The following RBM33 variants were observed in gnomAD, a reference collection of about 807,000 sequenced individuals.
The protein encoded by RBM33 is RNA binding motif protein 33, also known as RNA-binding protein 33.
RBM33 carries 28 observed loss-of-function variants against 132.6 expected under a neutral mutation model. That is an observed-to-expected ratio of 0.21 (90% CI 0.16 to 0.29). The LOEUF (loss-of-function observed/expected upper bound fraction) is 0.29. Ranked by LOEUF, RBM33 falls within the 10% of genes least tolerant of loss-of-function variation. RBM33 has a pLI of 1.00. For synonymous variants in RBM33, 634 were observed against 593.0 expected (o/e 1.07, Z -1.01); for missense variants, 1,291 against 1,518.5 (o/e 0.85, Z 2.49).
In RBM33 at chr7:155,699,790, GGTTT is replaced by G. The variant is rs1470568232; in HGVS notation, c.568-978_568-975del. Reference sequence around the variant, plus strand: ...AAGAATATAAAATGATTGTGTCATTGGTTTGTTTTCATTTTTTTCTTGTGCATTT... The same window carrying G: ...AAGAATATAAAATGATTGTGTCATTGGTTTTCATTTTTTTCTTGTGCATTT... On this transcript the variant is annotated intron_variant, in intron 5 of 17. Coordinates refer to ENST00000401878, the MANE Select transcript of RBM33 (RefSeq NM_053043.3). Among the ~76,000 whole-genome samples, 7 of 152,150 alleles carry G rather than the reference GGTTT, an allele frequency of 4.6e-5. No individual in the cohort carries two copies. In the East Asian group the frequency reaches 9.7e-4, roughly 21 times the overall value.
At chr7:155,770,594 CTTT>C (rs34251346) in intron 16 of RBM33, among the ~76,000 whole-genome samples, 1,896 of 136,242 alleles carry the variant, frequency 0.014, 19 homozygotes, top group Middle Eastern at 0.028. Context: ...CAGCTGATAC[CTTT>C]TTTTTTTTTT....
intron 12 of RBM33, among the ~76,000 whole-genome samples, chr7:155,740,246 A>G (rs1801286212): frequency 6.6e-6 from 1 of 152,220 alleles, no homozygotes; most frequent in Non-Finnish European, 1.5e-5. Flanking sequence ...TTGTGTCTCA[A>G]AGACTGTGTT....
chr7:155,744,332 C>T (rs573769446), intron 13 of RBM33, among the ~76,000 whole-genome samples: 11 of 151,974 alleles, frequency 7.2e-5, no homozygotes, highest in East Asian at 5.8e-4. Context: ...TTTTTTGTAT[C>T]GACTTGAAGA....
chr7:155,707,356 C>G (rs1213149676), intron 7 of RBM33: 2 of 555,500 alleles, frequency 3.6e-6, no homozygotes, highest in African/African-American at 3.8e-5. Flanking sequence ...GCTGTTGGAC[C>G]TTGCTACCTA....
intron 1 of RBM33, among the ~76,000 whole-genome samples, chr7:155,653,603 T>C (rs1585397229): frequency 6.6e-6 from 1 of 152,166 alleles, no homozygotes. Flanking sequence ...AGATTGGTGG[T>C]AATCACCATT....
At chr7:155,649,155 C>T (rs945370298) in intron 1 of RBM33, among the ~76,000 whole-genome samples, 2 of 152,116 alleles carry the variant, frequency 1.3e-5, no homozygotes, top group Admixed American at 1.3e-4. Context: ...ATGATGTCCC[C>T]GTTTTTTAAG....
chr7:155,730,225 A>C (rs1332091848), intron 9 of RBM33, among the ~76,000 whole-genome samples: 1 of 152,212 alleles, frequency 6.6e-6, no homozygotes, highest in Non-Finnish European at 1.5e-5. Context: ...GGAGACATTC[A>C]AGAGACAGAG....
chr7:155,668,118 TTGTG>T (rs1171076715), intron 2 of RBM33, among the ~76,000 whole-genome samples: 4 of 152,216 alleles, frequency 2.6e-5, no homozygotes, highest in East Asian at 1.9e-4. Flanking sequence ...TCTCTTATAT[TTGTG>T]TGTGTGTCTA....
intron 2 of RBM33, among the ~76,000 whole-genome samples, chr7:155,666,033 C>G (rs770348703): frequency 2.9e-4 from 44 of 152,332 alleles, no homozygotes; most frequent in Middle Eastern, 6.8e-3. Flanking sequence ...GAGGCCCTTA[C>G]AGTTCACATA....
intron 8 of RBM33, among the ~76,000 whole-genome samples, chr7:155,715,445 A>G (rs1448646063): frequency 6.6e-6 from 1 of 152,166 alleles, no homozygotes; most frequent in Non-Finnish European, 1.5e-5. Context: ...AAGCCCCAAG[A>G]TATCCTCTAT....
intron 8 of RBM33, among the ~76,000 whole-genome samples, chr7:155,718,136 C>T (rs1422200432): frequency 6.6e-6 from 1 of 151,954 alleles, no homozygotes; most frequent in Non-Finnish European, 1.5e-5. Context: ...ATTTTAATTC[C>T]AAATAATAGT....
At chr7:155,678,067 C>T (rs908510426) in intron 3 of RBM33, among the ~76,000 whole-genome samples, 1 of 152,188 alleles carries the variant, frequency 6.6e-6, no homozygotes, top group Admixed American at 6.5e-5. Flanking sequence ...GGTAGGAGTA[C>T]CATCAAGAAC....
Position 155,742,061 on chromosome 7 carries a change from T to C in RBM33, c.2292T>C (p.Ala764=), listed in dbSNP as rs955806804. 2.2e-5 allele frequency: 36 copies of C among 1,613,994 alleles called. No individual in the cohort carries two copies. Among genetic ancestry groups the C allele is most frequent in the Non-Finnish European group, 3.1e-5 (36 of 1,179,886 alleles). The change falls in exon 13 of 18, where the codon GCT becomes GCC. Residue 764 remains alanine (A), a synonymous_variant. Transcript: ENST00000401878. ...QGKTEVKVKP[A]SPVAQPKEEA... is the part of the protein sequence containing the mutation. ...AGACGGAAGTGAAAGTCAAGCCAGC[T>C]AGCCCTGTGGCTCAACCTAAAGAAG...
intron 14 of RBM33, among the ~76,000 whole-genome samples, chr7:155,750,662 C>T (rs1445861389): frequency 2.6e-5 from 4 of 151,716 alleles, no homozygotes; most frequent in African/African-American, 4.8e-5. Flanking sequence ...GTTAGTGGTA[C>T]AGTGCTTGAG....
intron 16 of RBM33, among the ~76,000 whole-genome samples, chr7:155,770,914 CAT>C (rs914490125): frequency 5.9e-5 from 9 of 152,196 alleles, no homozygotes; most frequent in African/African-American, 1.2e-4. Context: ...GCTGGGTACA[CAT>C]GTGTGAAGCT....
At position 155,680,921 on chromosome 7, in the gene RBM33, T is replaced by A. The variant is rs1273581019; in HGVS notation, c.567+13T>A. ...AGATGAATTTACAGTGAGTCTTTTCTCCTTTGTATGGCCAAAGATAACCTG... is the reference window on the plus strand; with the variant it reads ...AGATGAATTTACAGTGAGTCTTTTCACCTTTGTATGGCCAAAGATAACCTG... On this transcript the variant is annotated intron_variant, in intron 5 of 17. Coordinates refer to ENST00000401878, the MANE Select transcript of RBM33 (RefSeq NM_053043.3). 6.2e-7 allele frequency: 1 copy of A among 1,602,714 alleles called. No homozygotes were observed.
rs1014671303 is a variant in RBM33, at chr7:155,756,653, C to G, written c.2980-7159C>G. ...GATGACATGAAATGGTAGCTGGGAT[C>G]GTGATGTTTAATCTGAGCACGTTGG... is the stretch of plus-strand genomic sequence containing the variant. On this transcript the variant is annotated intron_variant, in intron 14 of 17. Transcript: ENST00000401878. Among the ~76,000 whole-genome samples, 10 of 152,040 alleles carry G rather than the reference C, an allele frequency of 6.6e-5. 1 individual carries two copies. Among genetic ancestry groups the G allele is most frequent in the Non-Finnish European group, 1.5e-5 (1 of 68,030 alleles).
intron 11 of RBM33, 49 bp from the exon 12 acceptor site, chr7:155,739,666 C>A (rs772770205): frequency 3.4e-6 from 5 of 1,487,452 alleles, no homozygotes; most frequent in South Asian, 1.3e-5. Context: ...TGATTATGCC[C>A]GGTGTAACCA....
chr7:155,755,236 T>C (rs1348209268), intron 14 of RBM33, among the ~76,000 whole-genome samples: 1 of 152,228 alleles, frequency 6.6e-6, no homozygotes, highest in Non-Finnish European at 1.5e-5. Flanking sequence ...CAGTGAAGTA[T>C]GGCCTTATCG....
Sources: allele counts gnomAD v4.1 joint callset (sites outside exome capture counted in the v4.1 genomes callset), GRCh38; gene constraint gnomAD v4.1.1; transcripts MANE v1.5; gene names NCBI Gene and HGNC (gene_info 2026-07-23, HGNC 2026-07-21).